The following NRG1 variants were observed in gnomAD, a reference collection of about 807,000 sequenced individuals.
NRG1 encodes the protein pro-neuregulin-1, membrane-bound isoform.
In NRG1, 18 loss-of-function variants were observed where a neutral mutation model predicts 63.8. The ratio of observed to expected loss-of-function variants is 0.28; its 90% CI spans 0.19 to 0.42. The LOEUF (loss-of-function observed/expected upper bound fraction) is 0.42, where lower values mean the gene tolerates loss of function less well. NRG1 is among the 10% of genes least tolerant of loss of function. NRG1 has a pLI of 1.00. For synonymous variants in NRG1, 302 were observed against 301.3 expected (o/e 1.00, Z -0.02); for missense variants, 762 against 814.7 (o/e 0.94, Z 0.79).
At chr8:32,627,782 CAA>C (rs2129543600) in intron 5 of NRG1, among the ~76,000 whole-genome samples, 1 of 152,152 alleles carries the variant, frequency 6.6e-6, no homozygotes, top group East Asian at 1.9e-4. Context: ...AATTATAAAA[CAA>C]AAATTTTGCC....
chr8:31,756,554 C>T (rs1287309912), intron 1 of NRG1, among the ~76,000 whole-genome samples: 1 of 152,092 alleles, frequency 6.6e-6, no homozygotes. Context: ...GTAAACTCCT[C>T]CTCCACAACT....
intron 1 of NRG1, among the ~76,000 whole-genome samples, chr8:32,399,973 C>G (rs1410668735): frequency 6.6e-6 from 1 of 152,180 alleles, no homozygotes; most frequent in Non-Finnish European, 1.5e-5. Context: ...CTTGCCTTCT[C>G]CCCATATCAC....
intron 1 of NRG1, among the ~76,000 whole-genome samples, chr8:32,339,926 TTG>T (rs1307564510): frequency 6.6e-6 from 1 of 152,122 alleles, no homozygotes; most frequent in Non-Finnish European, 1.5e-5. Context: ...TCAGCAGGGA[TTG>T]TGTTATCTAA....
chr8:32,253,614 T>G (rs1238642337), intron 1 of NRG1, among the ~76,000 whole-genome samples: 5 of 152,234 alleles, frequency 3.3e-5, no homozygotes, highest in Non-Finnish European at 7.3e-5. Context: ...TCAGGATTTT[T>G]GCATCAATGT....
At chr8:31,876,970 CT>C (rs1314012404) in intron 1 of NRG1, among the ~76,000 whole-genome samples, 1 of 152,090 alleles carries the variant, frequency 6.6e-6, no homozygotes, top group Non-Finnish European at 1.5e-5. Context: ...CATATTTACC[CT>C]GTTTTAATGG....
intron 1 of NRG1, among the ~76,000 whole-genome samples, chr8:31,897,796 C>A (rs979892360): frequency 1.2e-4 from 18 of 151,838 alleles, no homozygotes; most frequent in African/African-American, 4.1e-4. Flanking sequence ...GGGCAGATCA[C>A]CCGAGGTCAG....
intron 5 of NRG1, among the ~76,000 whole-genome samples, chr8:32,634,955 TAAG>T (rs944879162): frequency 2.6e-5 from 4 of 152,194 alleles, no homozygotes; most frequent in Non-Finnish European, 2.9e-5. Flanking sequence ...ATCTGTAAAA[TAAG>T]AACAATATCA....
chr8:31,670,867 T>C (rs1201279617), intron 1 of NRG1, among the ~76,000 whole-genome samples: 1 of 152,192 alleles, frequency 6.6e-6, no homozygotes, highest in Admixed American at 6.5e-5. Flanking sequence ...GTAAATTGCA[T>C]GTTGCAAGGG....
intron 1 of NRG1, among the ~76,000 whole-genome samples, chr8:32,098,112 A>G (rs1405030521): frequency 6.8e-6 from 1 of 147,554 alleles, no homozygotes; most frequent in Non-Finnish European, 1.5e-5. Flanking sequence ...CAGAAAAAGC[A>G]ATCAGTACGG....
intron 1 of NRG1, among the ~76,000 whole-genome samples, chr8:31,867,835 G>A (rs1829098366): frequency 6.6e-6 from 1 of 151,952 alleles, no homozygotes; most frequent in African/African-American, 2.4e-5. Flanking sequence ...GATAAATTAG[G>A]GAATTAGGGA....
At chr8:31,904,556 A>C (rs897804134) in intron 1 of NRG1, among the ~76,000 whole-genome samples, 1 of 152,152 alleles carries the variant, frequency 6.6e-6, no homozygotes, top group Non-Finnish European at 1.5e-5. Flanking sequence ...AAATCATTCT[A>C]CCATAAAGAC....
chr8:32,604,059 G>A (rs1207690360), intron 2 of NRG1, among the ~76,000 whole-genome samples: 4 of 152,154 alleles, frequency 2.6e-5, no homozygotes. Context: ...ATATGTCCTA[G>A]GTCAAGAGAT....
intron 1 of NRG1, among the ~76,000 whole-genome samples, chr8:32,516,862 A>G (rs1829870430): frequency 6.6e-6 from 1 of 152,192 alleles, no homozygotes; most frequent in Non-Finnish European, 1.5e-5. Context: ...TTGTGAATGA[A>G]TTATTACTAG....
At chr8:32,311,055 G>A (rs1856756938) in intron 1 of NRG1, among the ~76,000 whole-genome samples, 1 of 152,154 alleles carries the variant, frequency 6.6e-6, no homozygotes, top group Non-Finnish European at 1.5e-5. Flanking sequence ...GTATTACTCT[G>A]TGCTAGCACT....
At chr8:31,857,367 C>T (rs887277496) in intron 1 of NRG1, among the ~76,000 whole-genome samples, 1 of 152,172 alleles carries the variant, frequency 6.6e-6, no homozygotes, top group African/African-American at 2.4e-5. Flanking sequence ...TGGGAGTGAC[C>T]CGATTTTCCA....
chr8:31,898,631 G>A (rs552075988), intron 1 of NRG1, among the ~76,000 whole-genome samples: 251 of 152,256 alleles, frequency 1.6e-3, no homozygotes, highest in African/African-American at 5.9e-3. Context: ...TTGAATTCAG[G>A]AGGCAGAGGT....
chr8:31,883,669 A>G (rs189753211), intron 1 of NRG1, among the ~76,000 whole-genome samples: 1 of 152,256 alleles, frequency 6.6e-6, no homozygotes, highest in East Asian at 1.9e-4. Context: ...TTAATCTGAA[A>G]TGAAATGTTC....
At chr8:32,180,966 A>G (rs1038283) in intron 1 of NRG1, among the ~76,000 whole-genome samples, 70,856 of 151,956 alleles carry the variant, frequency 0.47, 18,396 homozygotes, top group Admixed American at 0.59. Context: ...TATGAGTTCA[A>G]CTTTCTTAGA....
intron 1 of NRG1, among the ~76,000 whole-genome samples, chr8:31,937,109 T>C (rs1186083313): frequency 1.3e-5 from 2 of 152,204 alleles, no homozygotes; most frequent in African/African-American, 4.8e-5. Flanking sequence ...AGAGTCAGCC[T>C]TCTCTCTTCT....
Sources: allele counts gnomAD v4.1 joint callset (sites outside exome capture counted in the v4.1 genomes callset), GRCh38; gene constraint gnomAD v4.1.1; transcripts MANE v1.5; gene names NCBI Gene and HGNC (gene_info 2026-07-23, HGNC 2026-07-21).